The following TRIM4 variants were observed in gnomAD, a reference collection of about 807,000 sequenced individuals.
TRIM4 encodes the protein tripartite motif containing 4.
A neutral mutation model predicts 33.7 loss-of-function variants in TRIM4; 29 were observed. The ratio of observed to expected loss-of-function variants is 0.86; its 90% CI spans 0.64 to 1.17. The LOEUF (loss-of-function observed/expected upper bound fraction) is 1.17. Among genes scored for constraint, TRIM4 ranks in the 50% most tolerant of loss-of-function variants. The pLI is 0.00. For missense variants in TRIM4, 554 were observed against 593.7 expected (o/e 0.93, Z 0.69); for synonymous variants, 224 against 233.0 (o/e 0.96, Z 0.35).
chr7:99,903,539 G>A (rs1819224971), intron 4 of TRIM4, 37 bp downstream of exon 4: 2 of 1,613,516 alleles, frequency 1.2e-6, no homozygotes, highest in Non-Finnish European at 1.7e-6. Flanking sequence ...TCTTTACCAT[G>A]CCACCCAGGT....
chr7:99,916,872 T>C (rs1329071404), intron 1 of TRIM4: 1 of 739,390 alleles, frequency 1.4e-6, no homozygotes. Flanking sequence ...CTTTTTACTA[T>C]GGCAAACAAG....
intron 5 of TRIM4, among the ~76,000 whole-genome samples, chr7:99,894,672 CA>C (rs779056387): frequency 0.036 from 4,577 of 125,674 alleles, 89 homozygotes; most frequent in Non-Finnish European, 0.05. Context: ...ATCCCCCCCC[CA>C]AAAAAAAAAA....
chr7:99,910,013 T>G (rs1563087717), intron 1 of TRIM4, among the ~76,000 whole-genome samples: 1 of 151,964 alleles, frequency 6.6e-6, no homozygotes, highest in Admixed American at 6.6e-5. Flanking sequence ...ATTACAGCCA[T>G]GAGCCACCAC....
chr7:99,895,634 G>C (rs1243109459), intron 5 of TRIM4, among the ~76,000 whole-genome samples: 1 of 152,144 alleles, frequency 6.6e-6, no homozygotes, highest in South Asian at 2.1e-4. Flanking sequence ...ATTATTAAAA[G>C]GTACTGAAAA....
At position 99,891,943 on chromosome 7, in the gene TRIM4, G is replaced by A. The variant is rs1007753751; in HGVS notation, c.*220C>T. 18 of 478,124 alleles carry A rather than the reference G, an allele frequency of 3.8e-5. No homozygotes were observed. The highest frequency in any genetic ancestry group is 2.7e-4 in the African/African-American group (14 of 51,920). The allele number at this position is 478,124 out of a possible 1,614,324, so 29.6% of individuals were successfully genotyped here. ...AGCTACAAAAAGATTTCCCAAAAGC[G>A]TCTTGGAAAATTTCCTGTCCCATCT... is the stretch of plus-strand genomic sequence containing the variant. On this transcript the variant is annotated 3_prime_UTR_variant, in exon 6 of 6. Coordinates refer to ENST00000349062, the MANE Select transcript of TRIM4 (RefSeq NM_033091.3).
chr7:99,909,723 CTTTTTGT>C, intron 1 of TRIM4, 63 bp from the exon 2 acceptor site: 1 of 692,536 alleles, frequency 1.4e-6, no homozygotes. Context: ...CTTCTTTTTT[CTTTTTGT>C]TTTTTTTTTT....
chr7:99,905,533 C>A (rs955405295), intron 3 of TRIM4, among the ~76,000 whole-genome samples: 1 of 152,090 alleles, frequency 6.6e-6, no homozygotes, highest in Non-Finnish European at 1.5e-5. Flanking sequence ...TACTATACAG[C>A]GGGCACTACT....
Position 99,903,244 on chromosome 7 carries a change from A to G in TRIM4, c.815T>C (p.Met272Thr), listed in dbSNP as rs766210337. The G allele has an allele frequency of 1.9e-6, 3 of 1,613,012 alleles. No homozygotes were observed. The highest frequency in any genetic ancestry group is 2.2e-5 in the East Asian group (1 of 44,872). Residue 272 changes from methionine to threonine, a missense_variant, in exon 5 of 6, where the codon ATG (methionine) becomes ACG (threonine). This residue lies in a region of TRIM4 where 290 missense variants were observed against 335.8 expected (regional missense o/e 0.86). Coordinates refer to ENST00000349062, the MANE Select transcript of TRIM4 (RefSeq NM_033091.3). ...KVKTVCQIPL[M>T]KEMLKRFQVA... Reference sequence around the variant, plus strand: ...TTGGAATCGCTTTAGCATTTCCTTCATCAATGGTATCTGGCACACTGTCTT... The same window carrying G: ...TTGGAATCGCTTTAGCATTTCCTTCGTCAATGGTATCTGGCACACTGTCTT...
chr7:99,897,936 C>T (rs566298988), intron 5 of TRIM4, among the ~76,000 whole-genome samples: 31 of 152,238 alleles, frequency 2.0e-4, no homozygotes, highest in Non-Finnish European at 3.8e-4. Context: ...CTGTTGCCCA[C>T]AGATGGGGTG....
Position 99,908,688 on chromosome 7 carries a change from T to G in TRIM4, c.614A>C (p.Lys205Thr). The G allele has an allele frequency of 6.2e-7, 1 of 1,614,176 alleles. No individual in the cohort carries two copies. The highest frequency in any genetic ancestry group is 2.2e-5 in the East Asian group (1 of 44,886). The change falls in exon 3 of 6, where the codon AAG becomes ACG. Residue 205 changes from lysine to threonine, a missense_variant. Physicochemically the swap from Lys to Thr is moderately conservative, Grantham distance 78. Around this residue, in one of 3 missense-constraint regions of TRIM4, gnomAD observed 290 missense variants for 335.8 expected, o/e 0.86. Coordinates refer to ENST00000349062, the MANE Select transcript of TRIM4 (RefSeq NM_033091.3). ...LNKEEEETKKKLNENTLKLNQ... is the reference protein window; with the variant it reads ...LNKEEEETKKTLNENTLKLNQ... ...GAGTTTTAACGTGTTCTCATTCAGC[T>G]TCTTCTTCGTCTCTTCTTCTTCTTT... is the stretch of plus-strand genomic sequence containing the variant.
chr7:99,899,737 G>A (rs916752085), intron 5 of TRIM4, among the ~76,000 whole-genome samples: 1 of 152,204 alleles, frequency 6.6e-6, no homozygotes, highest in African/African-American at 2.4e-5. Flanking sequence ...ATATGTCTGT[G>A]TCTGTGTATG....
chr7:99,912,930 A>G (rs1295628998), intron 1 of TRIM4, among the ~76,000 whole-genome samples: 1 of 152,226 alleles, frequency 6.6e-6, no homozygotes, highest in African/African-American at 2.4e-5. Flanking sequence ...TAACTTTAAT[A>G]GGCATGTAAC....
At chr7:99,905,466 C>T (rs1022876994) in intron 3 of TRIM4, among the ~76,000 whole-genome samples, 1 of 152,016 alleles carries the variant, frequency 6.6e-6, no homozygotes, top group African/African-American at 2.4e-5. Flanking sequence ...TCCAAATTTC[C>T]CTCAAAAGAA....
At chr7:99,903,417 C>A in intron 4 of TRIM4, 102 bp from the exon 5 acceptor site, 1 of 1,337,248 alleles carries the variant, frequency 7.5e-7, no homozygotes, top group Non-Finnish European at 1.1e-6. Flanking sequence ...GGCTTCTGTT[C>A]CCATTCCTCC....
At chr7:99,907,915 G>C (rs565191049) in intron 3 of TRIM4, among the ~76,000 whole-genome samples, 1 of 152,180 alleles carries the variant, frequency 6.6e-6, no homozygotes, top group East Asian at 1.9e-4. Context: ...AATTATTTCA[G>C]CAAAAAGAAA....
chr7:99,919,320 C>T lies in TRIM4; in HGVS notation c.82G>A (p.Gly28Ser). ...YFQDPVSIEC[G>S]HNFCRGCLHR... is the part of the protein sequence containing the mutation. Reference sequence around the variant, plus strand: ...AGGCAGCCGCGGCAGAAGTTGTGGCCGCACTCGATGGACACCGGGTCCTGG... The same window carrying T: ...AGGCAGCCGCGGCAGAAGTTGTGGCTGCACTCGATGGACACCGGGTCCTGG... Residue 28 changes from glycine (G) to serine (S), a missense_variant, in exon 1 of 6, where the codon GGC becomes AGC. Physicochemically the swap from Gly to Ser is moderately conservative, Grantham distance 56. Transcript: ENST00000349062. The T allele has an allele frequency of 6.4e-7, 1 of 1,567,278 alleles. No homozygotes were observed. The highest frequency in any genetic ancestry group is 8.6e-7 in the Non-Finnish European group (1 of 1,157,538).
rs371571216 is a variant in TRIM4 at position 99,892,137 on chromosome 7, G to C, written c.*26C>G. The C allele has an allele frequency of 6.4e-7, 1 of 1,568,474 alleles. No individual in the cohort carries two copies. On this transcript the variant is annotated 3_prime_UTR_variant, in exon 6 of 6. Transcript: ENST00000349062. ...GTCCCTCAGCTGGACTACAGGGAAG[G>C]AGTTTTGGTCAGGGGAAGAAAAGCC...
chr7:99,899,747 G>A (rs1347576950), intron 5 of TRIM4, among the ~76,000 whole-genome samples: 1 of 152,168 alleles, frequency 6.6e-6, no homozygotes, highest in African/African-American at 2.4e-5. Context: ...GTCTGTGTAT[G>A]GTGGGTGGGT....
intron 1 of TRIM4, among the ~76,000 whole-genome samples, chr7:99,914,691 G>T (rs1333129138): frequency 6.6e-6 from 1 of 152,132 alleles, no homozygotes; most frequent in Non-Finnish European, 1.5e-5. Context: ...CCGCCTCAGG[G>T]CCTCTTCCCA....
Sources: gnomAD v4.1 joint callset for allele counts (sites outside exome capture counted in the v4.1 genomes callset) on GRCh38, gnomAD v4.1.1 for gene constraint, gnomAD v4.1.1 regional missense constraint, MANE v1.5 for transcripts, NCBI Gene and HGNC (gene_info 2026-07-23, HGNC 2026-07-21) for gene names.